The following NOS1 variants were observed in gnomAD, a reference collection of about 807,000 sequenced individuals.
The protein encoded by NOS1 is NOS type I.
Under a neutral mutation model 164.5 loss-of-function variants are expected in NOS1, and 51 were observed. The observed-to-expected ratio is 0.31, with a 90% CI of 0.25 to 0.39. The LOEUF (loss-of-function observed/expected upper bound fraction) is 0.39, where lower values mean the gene tolerates loss of function less well. NOS1 is among the 10% of genes least tolerant of loss of function. NOS1 has a pLI of 1.00. For missense variants in NOS1, 1,362 were observed against 1,885.6 expected, an observed-to-expected ratio of 0.72 and a Z score of 5.14; for synonymous variants, 719 against 745.8, an observed-to-expected ratio of 0.96 and a Z score of 0.59.
At position 117,213,498 on chromosome 12, in the gene NOS1, GGGGGC is replaced by G. The variant is rs1956558289; in HGVS notation, c.*1806_*1810del. 1.9e-5 allele frequency: 19 copies of G among 985,454 alleles called. No homozygotes were observed. Among genetic ancestry groups the G allele is most frequent in the Non-Finnish European group, 2.3e-5 (19 of 829,970 alleles). The allele number at this position is 985,454 out of a possible 1,614,324, so 61.0% of individuals were successfully genotyped here. On this transcript the variant is annotated 3_prime_UTR_variant, in exon 29 of 29. Transcript: ENST00000317775. ...CATGTGGCAGGAACAGGACACCGGT[GGGGGC>G]TGCCAGGGATGGCAGAGCAAGGTGA...
rs1485503203 is a variant in NOS1 at position 117,213,172 on chromosome 12, G to A, written c.*2137C>T. 2 of 985,360 alleles carry A rather than the reference G, an allele frequency of 2.0e-6. No individual in the cohort carries two copies. The highest frequency in any genetic ancestry group is 2.4e-6 in the Non-Finnish European group (2 of 829,966). 61.0% of individuals were successfully genotyped at this position (985,360 alleles called of 1,614,324 possible). On this transcript the variant is annotated 3_prime_UTR_variant, in exon 29 of 29. Coordinates refer to ENST00000317775, the MANE Select transcript of NOS1 (RefSeq NM_000620.5). Reference sequence around the variant, plus strand: ...ATTCCTGCATAAAGCTTGACTTGGAGTGGGAAGCACTGATCAATTTGTCTT... The same window carrying A: ...ATTCCTGCATAAAGCTTGACTTGGAATGGGAAGCACTGATCAATTTGTCTT...
intron 1 of NOS1, among the ~76,000 whole-genome samples, chr12:117,353,266 A>G (rs1395008467): frequency 1.3e-5 from 2 of 152,018 alleles, no homozygotes; most frequent in African/African-American, 2.4e-5. Context: ...CTACCTACCT[A>G]TTCTATCCTC....
intron 4 of NOS1, among the ~76,000 whole-genome samples, chr12:117,289,527 G>A (rs1223136988): frequency 6.6e-6 from 1 of 152,190 alleles, no homozygotes; most frequent in Non-Finnish European, 1.5e-5. Flanking sequence ...ACTCTTTATT[G>A]TTTTTCTTTA....
intron 27 of NOS1, among the ~76,000 whole-genome samples, chr12:117,219,132 C>T (rs768698483): frequency 6.6e-6 from 1 of 151,888 alleles, no homozygotes; most frequent in Non-Finnish European, 1.5e-5. Flanking sequence ...GCATGCGCCA[C>T]TACGCCCAGC....
chr12:117,358,323 A>C (rs1052094887), intron 1 of NOS1, among the ~76,000 whole-genome samples: 6 of 147,512 alleles, frequency 4.1e-5, no homozygotes, highest in African/African-American at 1.5e-4. Flanking sequence ...AACCCATCAC[A>C]ATACCCCCGC....
rs372585843 is a variant in NOS1, at chr12:117,272,632, G to C, written c.1665-73C>G. The C allele has an allele frequency of 7.0e-7, 1 of 1,420,326 alleles. No homozygotes were observed. The highest frequency in any genetic ancestry group is 2.3e-5 in the East Asian group (1 of 43,524). The allele number at this position is 1,420,326 out of a possible 1,614,324, so 88.0% of individuals were successfully genotyped here. ...GGCGGGACAGCTTGAATCTAGAGAT[G>C]CTGAAATGCCAAGGATGGACTGGGA... On this transcript the variant is annotated intron_variant, in intron 9 of 28. Transcript: ENST00000317775. The surrounding 1 kb of genome is among the most constrained non-coding windows in gnomAD (Gnocchi z 4.3).
At chr12:117,241,890 C>T (rs1212843126) in intron 20 of NOS1, among the ~76,000 whole-genome samples, 10 of 152,224 alleles carry the variant, frequency 6.6e-5, no homozygotes, top group Admixed American at 6.5e-4. Context: ...GTGAGAGTGA[C>T]ATTTCCAGCA....
At chr12:117,267,985 T>C (rs1872544720) in intron 11 of NOS1, 58 bp downstream of exon 11, 1 of 1,238,012 alleles carries the variant, frequency 8.1e-7, no homozygotes, top group East Asian at 2.3e-5. Flanking sequence ...ATCAAGGCTC[T>C]GAAAGGTTTG....
Position 117,228,597 on chromosome 12 carries a change from G to A in NOS1, c.3406-956C>T, listed in dbSNP as rs974318334. 4.6e-5 allele frequency among the ~76,000 whole-genome samples: 7 copies of A among 152,260 alleles called. No homozygotes were observed. The East Asian group carries it at 7.7e-4, about 17-fold the overall frequency. On this transcript the variant is annotated intron_variant, in intron 22 of 28. Coordinates refer to ENST00000317775, the MANE Select transcript of NOS1 (RefSeq NM_000620.5). ...AGCCCAGCTGTAACCAGGCAACAGA[G>A]GAACTCTCTGGAGCTCTGGAGTTAT...
At position 117,323,117 on chromosome 12, in the gene NOS1, T is replaced by C. The variant is rs924294321; in HGVS notation, c.725+7228A>G. On this transcript the variant is annotated intron_variant, in intron 2 of 28. Transcript: ENST00000317775. The stretch of plus-strand genomic sequence containing the variant: ...AGCCTTTTATTCTGAGGAAGAGCCA[T>C]GGGATAAGCCTGCCCGCCCACCAAG... Among the ~76,000 whole-genome samples, 4 of 152,238 alleles carry C rather than the reference T, an allele frequency of 2.6e-5. No homozygotes were observed. The East Asian group carries it at 5.8e-4, about 22-fold the overall frequency.
At chr12:117,250,327 CT>C (rs556629285) in intron 17 of NOS1, among the ~76,000 whole-genome samples, 1,678 of 130,162 alleles carry the variant, frequency 0.013, 26 homozygotes, top group African/African-American at 0.037. Flanking sequence ...TTGCCATTTA[CT>C]TTTTTTTTTT....
chr12:117,227,899 GA>G (rs2135935169), intron 22 of NOS1, among the ~76,000 whole-genome samples: 1 of 152,142 alleles, frequency 6.6e-6, no homozygotes, highest in East Asian at 1.9e-4. Context: ...TGTGGTGGTG[GA>G]TGTCTGCAGT....
At chr12:117,304,961 C>T (rs924466894) in intron 3 of NOS1, 14 of 958,648 alleles carry the variant, frequency 1.5e-5, no homozygotes, top group African/African-American at 1.8e-5. Context: ...AACCTGCATT[C>T]GTCCTGCTTC....
chr12:117,218,892 G>A (rs1956653983), intron 27 of NOS1, among the ~76,000 whole-genome samples: 1 of 152,090 alleles, frequency 6.6e-6, no homozygotes. Flanking sequence ...GTGGTTGGGA[G>A]TGTGCGTCTG....
chr12:117,209,532 T>G lies in NOS1; in HGVS notation c.*5777A>C. The G allele has an allele frequency of 1.0e-6, 1 of 985,490 alleles. No homozygotes were observed. 61.0% of individuals were successfully genotyped at this position (985,490 alleles called of 1,614,324 possible). ...GATTTGTTCCCGCCTGCCAGGGCCA[T>G]CTCGTTAATAACGGACTGTGTTTTG... On this transcript the variant is annotated 3_prime_UTR_variant, in exon 29 of 29. Transcript: ENST00000317775.
At chr12:117,328,665 A>T (rs1037665013) in intron 2 of NOS1, among the ~76,000 whole-genome samples, 5 of 152,114 alleles carry the variant, frequency 3.3e-5, no homozygotes, top group Admixed American at 1.3e-4. Flanking sequence ...CCCGGGTCCA[A>T]GTGATTCTCC....
chr12:117,290,018 G>A (rs1450274107), intron 4 of NOS1, among the ~76,000 whole-genome samples: 1 of 152,178 alleles, frequency 6.6e-6, no homozygotes, highest in East Asian at 1.9e-4. Context: ...CTTGTTGTTA[G>A]AAGGGAGGTG....
intron 1 of NOS1, among the ~76,000 whole-genome samples, chr12:117,339,726 A>T (rs573928962): frequency 6.6e-6 from 1 of 152,200 alleles, no homozygotes; most frequent in Non-Finnish European, 1.5e-5. Flanking sequence ...AGCTAAAAAG[A>T]CCAGACCAGT....
At chr12:117,320,629 G>T (rs1874870265) in intron 2 of NOS1, among the ~76,000 whole-genome samples, 1 of 152,190 alleles carries the variant, frequency 6.6e-6, no homozygotes, top group African/African-American at 2.4e-5. Context: ...GCCATAGGAA[G>T]CTGATACAAT....
Sources: allele counts gnomAD v4.1 joint callset (sites outside exome capture counted in the v4.1 genomes callset), GRCh38; gene constraint gnomAD v4.1.1; non-coding constraint Gnocchi (gnomAD v3.1); transcripts MANE v1.5; gene names NCBI Gene and HGNC (gene_info 2026-07-23, HGNC 2026-07-21).